RBFOX1: variants seen among roughly 807,000 people sequenced by gnomAD.
The protein encoded by RBFOX1 is RNA binding fox-1 homolog 1, also known as RNA binding protein fox-1 homolog 1.
RBFOX1 carries 8 observed loss-of-function variants against 57.7 expected under a neutral mutation model. The ratio of observed to expected loss-of-function variants is 0.14; its 90% CI spans 0.08 to 0.25. The LOEUF is 0.25. RBFOX1 is among the 10% of genes least tolerant of loss of function. RBFOX1 has a pLI of 1.00. For missense variants in RBFOX1, 611 were observed against 548.5 expected (o/e 1.11, Z -1.14); for synonymous variants, 326 against 222.4 (o/e 1.47, Z -4.15).
At chr16:5,326,845 G>C (rs1596529584) in intron 1 of RBFOX1, among the ~76,000 whole-genome samples, 1 of 152,260 alleles carries the variant, frequency 6.6e-6, no homozygotes, top group East Asian at 1.9e-4. Flanking sequence ...ACGTCCAAAT[G>C]ATTGATATTA....
intron 3 of RBFOX1, among the ~76,000 whole-genome samples, chr16:6,762,392 A>G (rs989057050): frequency 1.3e-5 from 2 of 152,168 alleles, no homozygotes; most frequent in Admixed American, 6.5e-5. Flanking sequence ...GAAGGTAAAT[A>G]TTAGCAAACA....
At chr16:7,430,303 A>G (rs2098666306) in intron 4 of RBFOX1, among the ~76,000 whole-genome samples, 1 of 152,198 alleles carries the variant, frequency 6.6e-6, no homozygotes, top group South Asian at 2.1e-4. Context: ...AATTCCCAAA[A>G]GCAAAGCTGC....
intron 4 of RBFOX1, among the ~76,000 whole-genome samples, chr16:7,143,125 T>G (rs2074200648): frequency 6.6e-6 from 1 of 152,180 alleles, no homozygotes; most frequent in South Asian, 2.1e-4. Context: ...CATTTATTTT[T>G]ATGTTGGGGA....
intron 4 of RBFOX1, among the ~76,000 whole-genome samples, chr16:7,216,740 A>T (rs533573864): frequency 1.8e-4 from 27 of 152,264 alleles, no homozygotes; most frequent in African/African-American, 6.3e-4. Context: ...AGCACTCCAG[A>T]AGCCTGAGCT....
intron 9 of RBFOX1, among the ~76,000 whole-genome samples, chr16:7,598,659 G>C (rs931762720): frequency 3.9e-5 from 6 of 152,086 alleles, no homozygotes; most frequent in Non-Finnish European, 8.8e-5. Flanking sequence ...ATATGTAGTA[G>C]GTGTTCATTT....
chr16:6,806,664 C>T (rs561996490), intron 3 of RBFOX1, among the ~76,000 whole-genome samples: 8 of 151,184 alleles, frequency 5.3e-5, no homozygotes, highest in South Asian at 2.1e-4. Flanking sequence ...GTATTATATG[C>T]GCTAAAATGA....
Position 6,445,764 on chromosome 16 carries a change from G to C in RBFOX1, c.-64+128707G>C, listed in dbSNP as rs1321245687. ...TGCCCAGTTAATTTTTGTATTTTTA[G>C]TTGCGACAGGGTTTCACCATTTTGG... On this transcript the variant is annotated intron_variant, in intron 2 of 15. Transcript: ENST00000550418. 3.3e-5 allele frequency among the ~76,000 whole-genome samples: 5 copies of C among 152,022 alleles called. No homozygotes were observed. The South Asian group carries it at 8.3e-4, about 25-fold the overall frequency.
intron 4 of RBFOX1, among the ~76,000 whole-genome samples, chr16:7,391,599 G>C (rs1427498666): frequency 6.6e-6 from 1 of 152,082 alleles, no homozygotes; most frequent in Non-Finnish European, 1.5e-5. Flanking sequence ...TATAACTTCA[G>C]TACCTTCATT....
intron 1 of RBFOX1, among the ~76,000 whole-genome samples, chr16:5,310,916 A>G: frequency 6.6e-6 from 1 of 152,142 alleles, no homozygotes; most frequent in South Asian, 2.1e-4. Context: ...GTAGAAGTGA[A>G]GTCTGAGATT....
chr16:6,676,160 A>G (rs911163900), intron 3 of RBFOX1, among the ~76,000 whole-genome samples: 12 of 151,788 alleles, frequency 7.9e-5, no homozygotes, highest in African/African-American at 1.7e-4. Context: ...ACACACACAC[A>G]CACACACACA....
intron 4 of RBFOX1, among the ~76,000 whole-genome samples, chr16:7,247,934 T>A (rs772348411): frequency 3.3e-5 from 5 of 152,116 alleles, no homozygotes; most frequent in Non-Finnish European, 7.3e-5. Flanking sequence ...AAATAACTAA[T>A]GAGTACTAGG....
intron 3 of RBFOX1, among the ~76,000 whole-genome samples, chr16:6,681,209 G>A (rs1159163847): frequency 1.3e-5 from 2 of 152,176 alleles, no homozygotes; most frequent in Non-Finnish European, 2.9e-5. Flanking sequence ...TTACTTGGGA[G>A]GTTGAGGCAG....
intron 4 of RBFOX1, among the ~76,000 whole-genome samples, chr16:5,932,924 A>T (rs1452974975): frequency 6.6e-6 from 1 of 152,186 alleles, no homozygotes; most frequent in African/African-American, 2.4e-5. Context: ...AAGAAAAAAA[A>T]GGTAAAGCTC....
chr16:7,254,490 C>G (rs1352283911), intron 4 of RBFOX1, among the ~76,000 whole-genome samples: 1 of 107,846 alleles, frequency 9.3e-6, no homozygotes, highest in Non-Finnish European at 2.1e-5. Flanking sequence ...TCCTGTCTCT[C>G]TCTCTCTCTT....
intron 3 of RBFOX1, among the ~76,000 whole-genome samples, chr16:6,788,961 G>A (rs550432771): frequency 1.2e-4 from 18 of 152,110 alleles, no homozygotes; most frequent in African/African-American, 3.6e-4. Flanking sequence ...TATTCTTTCC[G>A]CCGCACAATG....
intron 2 of RBFOX1, among the ~76,000 whole-genome samples, chr16:5,562,176 T>C (rs1041565347): frequency 6.6e-6 from 1 of 152,184 alleles, no homozygotes; most frequent in African/African-American, 2.4e-5. Flanking sequence ...AAAGATTTGA[T>C]AGAACAGATT....
intron 4 of RBFOX1, among the ~76,000 whole-genome samples, chr16:5,986,128 C>G (rs889773336): frequency 5.4e-5 from 8 of 149,056 alleles, no homozygotes; most frequent in African/African-American, 9.9e-5. Context: ...GTGGTGTAAT[C>G]TTGGCAGATC....
chr16:5,661,032 C>G (rs1254983295), intron 3 of RBFOX1, among the ~76,000 whole-genome samples: 1 of 152,114 alleles, frequency 6.6e-6, no homozygotes, highest in African/African-American at 2.4e-5. Context: ...GCTGGGAGTG[C>G]TAATTCAATG....
At chr16:6,488,048 G>A (rs952992546) in intron 2 of RBFOX1, among the ~76,000 whole-genome samples, 1 of 152,116 alleles carries the variant, frequency 6.6e-6, no homozygotes, top group Non-Finnish European at 1.5e-5. Context: ...TTTACTCCAC[G>A]CTTTCAATCC....
Sources: gnomAD v4.1 joint callset for allele counts (sites outside exome capture counted in the v4.1 genomes callset) on GRCh38, gnomAD v4.1.1 for gene constraint, MANE v1.5 for transcripts, NCBI Gene and HGNC (gene_info 2026-07-23, HGNC 2026-07-21) for gene names.